RACGAP1: variants seen among roughly 807,000 people sequenced by gnomAD.
RACGAP1 encodes rac GTPase-activating protein 1.
RACGAP1 carries 30 observed loss-of-function variants against 78.1 expected under a neutral mutation model. The ratio of observed to expected loss-of-function variants is 0.38; its 90% CI spans 0.29 to 0.52. The LOEUF (loss-of-function observed/expected upper bound fraction) is 0.52. Among genes scored for constraint, RACGAP1 ranks in the 20% least tolerant of loss-of-function variants. The pLI is 0.82. For synonymous variants in RACGAP1, 231 were observed against 264.8 expected, an observed-to-expected ratio of 0.87 and a Z score of 1.24; for missense variants, 587 against 777.1, an observed-to-expected ratio of 0.76 and a Z score of 2.91.
rs777431830 is a variant in RACGAP1, at chr12:49,994,081, A to T, written c.1339+50T>A. On this transcript the variant is annotated intron_variant, in intron 12 of 16. Transcript: ENST00000312377. Reference sequence around the variant, plus strand: ...AATAAAAAAATAAAGAGAGTAAGAAAAACTACTGCCGTGGAGGAATTCATA... The same window carrying T: ...AATAAAAAAATAAAGAGAGTAAGAATAACTACTGCCGTGGAGGAATTCATA... The T allele has an allele frequency of 6.8e-6, 10 of 1,471,872 alleles. No individual in the cohort carries two copies. In the South Asian group the frequency reaches 1.1e-4, roughly 17 times the overall value. 91.2% of individuals were successfully genotyped at this position (1,471,872 alleles called of 1,614,324 possible).
At chr12:49,995,374 CAA>C (rs1948189529) in intron 10 of RACGAP1, among the ~76,000 whole-genome samples, 1 of 151,590 alleles carries the variant, frequency 6.6e-6, no homozygotes, top group Non-Finnish European at 1.5e-5. Context: ...CAAAACAAAA[CAA>C]AACAAAATGT....
At chr12:49,999,825 G>C in intron 7 of RACGAP1, 92 bp from the exon 8 acceptor site, 5 of 1,036,966 alleles carry the variant, frequency 4.8e-6, no homozygotes, top group South Asian at 1.3e-5. Context: ...AAATTCCTTA[G>C]TCTTAGTCAA....
At chr12:50,008,466 T>C (rs1949110306) in intron 2 of RACGAP1, among the ~76,000 whole-genome samples, 1 of 151,976 alleles carries the variant, frequency 6.6e-6, no homozygotes, top group South Asian at 2.1e-4. Flanking sequence ...CCAAAAGTGC[T>C]AGGATTACAG....
chr12:50,029,459 C>G (rs1264522505), upstream of RACGAP1, among the ~76,000 whole-genome samples: 14 of 151,662 alleles, frequency 9.2e-5, no homozygotes, highest in Non-Finnish European at 1.6e-4. Flanking sequence ...GTAATCCCAG[C>G]TACTCGAGAG....
chr12:50,004,745 T>A (rs1448017403), intron 4 of RACGAP1, among the ~76,000 whole-genome samples: 1 of 152,122 alleles, frequency 6.6e-6, no homozygotes, highest in African/African-American at 2.4e-5. Context: ...AGATTCCCCA[T>A]AAAACAACCA....
At chr12:50,019,874 A>T (rs895995162) in intron 1 of RACGAP1, 1 of 152,146 alleles carries the variant, frequency 6.6e-6, no homozygotes, top group African/African-American at 2.4e-5. Context: ...TTTAAAATGT[A>T]TAAGTTTACA....
intron 1 of RACGAP1, 28 bp downstream of exon 1, chr12:50,025,370 C>G (rs1950231670): frequency 1.0e-6 from 1 of 985,698 alleles, no homozygotes; most frequent in African/African-American, 1.7e-5. Flanking sequence ...GCGGCAGACG[C>G]ACCTGGTCTG....
intron 1 of RACGAP1, among the ~76,000 whole-genome samples, chr12:50,025,114 G>A (rs1438330797): frequency 6.6e-6 from 1 of 152,042 alleles, no homozygotes; most frequent in Non-Finnish European, 1.5e-5. Context: ...TCTTGTTTAG[G>A]ATGACTCCTG....
At chr12:49,995,792 G>A (rs939785284) in intron 10 of RACGAP1, among the ~76,000 whole-genome samples, 1 of 152,098 alleles carries the variant, frequency 6.6e-6, no homozygotes, top group Non-Finnish European at 1.5e-5. Context: ...ACCACACTCA[G>A]CAATAAATAA....
chr12:49,994,666 C>G (rs1046713570), intron 10 of RACGAP1, among the ~76,000 whole-genome samples, 157 bp from the exon 11 acceptor site: 1 of 152,134 alleles, frequency 6.6e-6, no homozygotes, highest in African/African-American at 2.4e-5. Context: ...AACAGAGACT[C>G]TCAATTATTT....
intron 5 of RACGAP1, 87 bp from the exon 6 acceptor site, chr12:50,002,387 G>A: frequency 8.7e-7 from 1 of 1,151,116 alleles, no homozygotes; most frequent in South Asian, 1.4e-5. Flanking sequence ...GAACTTTAAA[G>A]GCTTCTTCAG....
At chr12:50,016,275 C>G (rs976690199) in intron 2 of RACGAP1, among the ~76,000 whole-genome samples, 1 of 151,886 alleles carries the variant, frequency 6.6e-6, no homozygotes, top group Non-Finnish European at 1.5e-5. Flanking sequence ...CCCTGCTACT[C>G]GAGAGGCTGA....
intron 10 of RACGAP1, among the ~76,000 whole-genome samples, chr12:49,996,094 T>C (rs1948246267): frequency 6.6e-6 from 1 of 152,030 alleles, no homozygotes; most frequent in Admixed American, 6.6e-5. Context: ...GGCGGATCAC[T>C]TGAGGTCAGG....
intron 2 of RACGAP1, among the ~76,000 whole-genome samples, chr12:50,007,643 G>C (rs1949049792): frequency 6.6e-6 from 1 of 152,146 alleles, no homozygotes; most frequent in Non-Finnish European, 1.5e-5. Context: ...TAAAAGCATA[G>C]AAACAATACA....
In RACGAP1 at chr12:49,992,632, T is replaced by C. The variant is rs761948559; in HGVS notation, c.1363A>G (p.Ile455Val). 58 of 1,613,378 alleles carry C rather than the reference T, an allele frequency of 3.6e-5. 1 individual carries two copies. In the East Asian group the frequency reaches 1.0e-3, roughly 29 times the overall value. ...CCAACAGCTTGGTACATGGCAGCTA[T>C]GCTGTTGTCTTCATCTGTGATTTCT... ...AAEITDEDNS[I>V]AAMYQAVGEL... Residue 455 changes from isoleucine to valine, a missense_variant, in exon 13 of 17, where the codon ATA becomes GTA. Transcript: ENST00000312377.
At chr12:50,023,958 A>G (rs534962402) in intron 1 of RACGAP1, among the ~76,000 whole-genome samples, 69 of 151,946 alleles carry the variant, frequency 4.5e-4, no homozygotes, top group South Asian at 1.9e-3. Context: ...TCAGTAGATC[A>G]AGACCATCCT....
At chr12:50,009,639 AAATG>A (rs907700383) in intron 2 of RACGAP1, among the ~76,000 whole-genome samples, 3 of 152,206 alleles carry the variant, frequency 2.0e-5, no homozygotes, top group Non-Finnish European at 4.4e-5. Context: ...TCTGTTGAAC[AAATG>A]AATGAATGAA....
intron 10 of RACGAP1, 44 bp downstream of exon 10, chr12:49,996,996 G>T (rs374715357): frequency 7.0e-7 from 1 of 1,427,032 alleles, no homozygotes; most frequent in Non-Finnish European, 9.3e-7. Flanking sequence ...TTTGAAAGGC[G>T]AATAAAGAGG....
chr12:49,995,478 A>C, intron 10 of RACGAP1, among the ~76,000 whole-genome samples: 1 of 152,168 alleles, frequency 6.6e-6, no homozygotes. Flanking sequence ...GATTCTTGCT[A>C]ATGTTACTTA....
Sources: gnomAD v4.1 joint callset for allele counts (sites outside exome capture counted in the v4.1 genomes callset) on GRCh38, gnomAD v4.1.1 for gene constraint, MANE v1.5 for transcripts, NCBI Gene and HGNC (gene_info 2026-07-23, HGNC 2026-07-21) for gene names.